Variants in SYT1 observed in about 807,000 individuals in gnomAD.
The protein encoded by SYT1 is synaptotagmin-1.
A neutral mutation model predicts 44.8 loss-of-function variants in SYT1; 8 were observed. The observed-to-expected ratio is 0.18, with a 90% confidence interval of 0.10 to 0.32. SYT1 has a LOEUF of 0.32. Ranked by LOEUF, SYT1 falls within the 10% of genes least tolerant of loss-of-function variation. The pLI is 1.00. For synonymous variants in SYT1, 154 were observed against 188.8 expected, an observed-to-expected ratio of 0.82 and a Z score of 1.51; for missense variants, 286 against 509.3, an observed-to-expected ratio of 0.56 and a Z score of 4.22.
At chr12:79,407,965 C>T (rs535110085) in intron 9 of SYT1, among the ~76,000 whole-genome samples, 2 of 152,182 alleles carry the variant, frequency 1.3e-5, no homozygotes, top group South Asian at 4.1e-4. Context: ...TAACACTGAC[C>T]ACCACCAAAA....
intron 4 of SYT1, among the ~76,000 whole-genome samples, chr12:79,283,275 A>G (rs1164851973): frequency 6.6e-6 from 1 of 152,214 alleles, no homozygotes; most frequent in Non-Finnish European, 1.5e-5. Flanking sequence ...CAGAAGATCA[A>G]CTGAAGGCAA....
chr12:78,909,030 C>A (rs985402007), intron 1 of SYT1, among the ~76,000 whole-genome samples: 1 of 151,860 alleles, frequency 6.6e-6, no homozygotes, highest in Admixed American at 6.6e-5. Context: ...TTATGACAGA[C>A]TCTGTATTGC....
chr12:79,353,536 G>T lies in SYT1; in HGVS notation c.845G>T (p.Arg282Leu). The T allele has an allele frequency of 6.2e-7, 1 of 1,613,898 alleles. No homozygotes were observed. The highest frequency in any genetic ancestry group is 8.5e-7 in the Non-Finnish European group (1 of 1,179,882). The change falls in exon 9 of 11, where the codon CGC (arginine) becomes CTC (leucine). Residue 282 changes from arginine to leucine, a missense_variant. Physicochemically the swap from Arg to Leu is moderately radical, Grantham distance 102 (BLOSUM62 -2). Coordinates refer to ENST00000261205, the MANE Select transcript of SYT1 (RefSeq NM_005639.3). ...TTGGGTGATATCTGCTTCTCCCTTC[G>T]CTACGTACCTACTGCTGGTAAGCTG... is the stretch of plus-strand genomic sequence containing the variant. ...EKLGDICFSL[R>L]YVPTAGKLTV...
chr12:78,979,313 GA>G (rs1410176823), intron 2 of SYT1, among the ~76,000 whole-genome samples: 1 of 151,932 alleles, frequency 6.6e-6, no homozygotes, highest in East Asian at 1.9e-4. Flanking sequence ...TGTCTTTTAG[GA>G]ACATTTTCAT....
intron 2 of SYT1, among the ~76,000 whole-genome samples, chr12:79,016,570 G>A (rs1001649151): frequency 1.3e-5 from 2 of 152,130 alleles, no homozygotes; most frequent in Non-Finnish European, 2.9e-5. Context: ...GTGTCAGAAA[G>A]ATTATCCTCT....
chr12:79,242,638 G>A (rs1290348196), intron 4 of SYT1, among the ~76,000 whole-genome samples: 1 of 152,186 alleles, frequency 6.6e-6, no homozygotes, highest in Non-Finnish European at 1.5e-5. Flanking sequence ...AAGATAGAGA[G>A]ATTTATTAAC....
chr12:78,936,850 G>T (rs867196477), intron 1 of SYT1, among the ~76,000 whole-genome samples: 1 of 152,102 alleles, frequency 6.6e-6, no homozygotes, highest in Admixed American at 6.6e-5. Context: ...CAAATGGAAA[G>T]GAAAACTTTC....
chr12:79,371,058 A>G (rs1883768111), intron 9 of SYT1, among the ~76,000 whole-genome samples: 1 of 152,228 alleles, frequency 6.6e-6, no homozygotes, highest in Non-Finnish European at 1.5e-5. Flanking sequence ...GTTATAATCT[A>G]GTCAGTGCTT....
intron 1 of SYT1, among the ~76,000 whole-genome samples, chr12:78,911,430 T>C (rs544955645): frequency 3.1e-4 from 47 of 151,878 alleles, no homozygotes; most frequent in Non-Finnish European, 5.4e-4. Flanking sequence ...AGACTGAACC[T>C]TGGGGTGCGC....
intron 4 of SYT1, among the ~76,000 whole-genome samples, chr12:79,264,229 G>A (rs1303916731): frequency 6.6e-6 from 1 of 150,836 alleles, no homozygotes; most frequent in Non-Finnish European, 1.5e-5. Context: ...ACCCAAGCTG[G>A]AGTGCAGTGG....
intron 4 of SYT1, among the ~76,000 whole-genome samples, chr12:79,238,305 T>C (rs1451949734): frequency 1.3e-5 from 2 of 152,176 alleles, no homozygotes; most frequent in Admixed American, 1.3e-4. Flanking sequence ...GACCCAACTT[T>C]TTTTTCTTTT....
chr12:79,343,844 A>G, intron 8 of SYT1, among the ~76,000 whole-genome samples: 1 of 152,198 alleles, frequency 6.6e-6, no homozygotes, highest in East Asian at 1.9e-4. Flanking sequence ...ACTCCAATGG[A>G]TTATCTTATG....
chr12:79,030,839 C>G (rs1334240627), intron 2 of SYT1, among the ~76,000 whole-genome samples: 1 of 151,036 alleles, frequency 6.6e-6, no homozygotes, highest in Non-Finnish European at 1.5e-5. Flanking sequence ...GCCATCAGCT[C>G]TACTTTGTCT....
chr12:78,952,465 T>C (rs1240079794), intron 1 of SYT1, among the ~76,000 whole-genome samples: 1 of 152,140 alleles, frequency 6.6e-6, no homozygotes, highest in Non-Finnish European at 1.5e-5. Flanking sequence ...TGGGTTCTAT[T>C]GTACTATAAA....
chr12:79,042,954 C>A (rs1012773270), intron 2 of SYT1, among the ~76,000 whole-genome samples: 3 of 149,894 alleles, frequency 2.0e-5, no homozygotes, highest in African/African-American at 7.4e-5. Context: ...GATTCTTAAT[C>A]CTGAGTTCTA....
chr12:78,903,507 G>A (rs897415623), intron 1 of SYT1, among the ~76,000 whole-genome samples: 1 of 151,810 alleles, frequency 6.6e-6, no homozygotes, highest in African/African-American at 2.4e-5. Context: ...GGCTGGCCTC[G>A]AACTACTGAC....
chr12:79,287,679 A>G (rs1186811723), intron 5 of SYT1, among the ~76,000 whole-genome samples: 1 of 152,198 alleles, frequency 6.6e-6, no homozygotes, highest in Non-Finnish European at 1.5e-5. Flanking sequence ...TTCCTAGGAC[A>G]ATAAATCTAT....
intron 3 of SYT1, among the ~76,000 whole-genome samples, chr12:79,132,685 A>C (rs1212619853): frequency 2.0e-5 from 3 of 150,210 alleles, no homozygotes; most frequent in Non-Finnish European, 4.4e-5. Context: ...AAAAAAAAAA[A>C]AAAAAAAAAA....
intron 3 of SYT1, among the ~76,000 whole-genome samples, chr12:79,179,228 A>ATC: frequency 1.2e-5 from 1 of 85,822 alleles, no homozygotes; most frequent in South Asian, 3.3e-4. Context: ...ATATAGATAT[A>ATC]GATATAGATA....
Sources: gnomAD v4.1 joint callset for allele counts (sites outside exome capture counted in the v4.1 genomes callset) on GRCh38, gnomAD v4.1.1 for gene constraint, MANE v1.5 for transcripts, NCBI Gene and HGNC (gene_info 2026-07-23, HGNC 2026-07-21) for gene names.